EDEM3: variants seen among roughly 807,000 people sequenced by gnomAD.
EDEM3 encodes ER degradation enhancing alpha-mannosidase like protein 3, also known as ER degradation-enhancing alpha-mannosidase-like protein 3.
A neutral mutation model predicts 110.2 loss-of-function variants in EDEM3; 60 were observed. The observed-to-expected ratio is 0.54, with a 90% CI of 0.44 to 0.67. The LOEUF (loss-of-function observed/expected upper bound fraction) is 0.67, where lower values mean the gene tolerates loss of function less well. EDEM3 is among the 30% of genes least tolerant of loss of function. EDEM3 has a pLI of 0.00. For missense variants in EDEM3, 996 were observed against 1,121.0 expected, an observed-to-expected ratio of 0.89 and a Z score of 1.59; for synonymous variants, 352 against 382.9, an observed-to-expected ratio of 0.92 and a Z score of 0.94.
intron 13 of EDEM3, 117 bp from the exon 14 acceptor site, chr1:184,712,715 G>C (rs1472097494): frequency 3.1e-6 from 2 of 647,402 alleles, no homozygotes; most frequent in Non-Finnish European, 4.9e-6. Flanking sequence ...GATGTTCAAA[G>C]AACTATAGAA....
At chr1:184,699,526 G>T (rs1649504350) in intron 19 of EDEM3, among the ~76,000 whole-genome samples, 1 of 151,842 alleles carries the variant, frequency 6.6e-6, no homozygotes, top group South Asian at 2.1e-4. Context: ...TTTCTCTCCA[G>T]GTAGAGTTCA....
At position 184,712,444 on chromosome 1, in the gene EDEM3, T is replaced by C. The variant is rs1186673090; in HGVS notation, c.1525A>G (p.Lys509Glu). 2.5e-6 allele frequency: 4 copies of C among 1,590,152 alleles called. No homozygotes were observed. The highest frequency in any genetic ancestry group is 2.3e-5 in the East Asian group (1 of 44,274). ...ATTTAAAAACTCACTGTGTTCTTTTTAGAGATGCTTTGATTTGTAGTAGAG... is the reference window on the plus strand; with the variant it reads ...ATTTAAAAACTCACTGTGTTCTTTTCAGAGATGCTTTGATTTGTAGTAGAG... ...WLSTTNQSIS[K>E]KNTTSEYTEL... The change falls in exon 14 of 20, where the codon AAA (lysine) becomes GAA (glutamate). Residue 509 changes from lysine (K) to glutamate (E), a missense_variant. By Grantham distance (56) the Lys-to-Glu change is moderately conservative (BLOSUM62 1). Around this residue, in one of 5 missense-constraint regions of EDEM3, gnomAD observed 138 missense variants for 124.3 expected, o/e 1.11. Transcript: ENST00000318130.
intron 18 of EDEM3, among the ~76,000 whole-genome samples, chr1:184,705,881 T>G (rs1649896409): frequency 6.6e-6 from 1 of 152,048 alleles, no homozygotes; most frequent in South Asian, 2.1e-4. Flanking sequence ...TAAGTGATTG[T>G]CTATGAAAGA....
rs142173999 is a variant in EDEM3 at position 184,693,974 on chromosome 1, T to TA, written c.*88dup. 41 of 1,390,720 alleles carry TA rather than the reference T, an allele frequency of 2.9e-5. No homozygotes were observed. The African/African-American group carries it at 5.6e-4, about 19-fold the overall frequency. The allele number at this position is 1,390,720 out of a possible 1,614,324, so 86.1% of individuals were successfully genotyped here. A position where few individuals can be genotyped will look rare whatever the true frequency, so the allele number is the denominator to read the frequency against. On this transcript the variant is annotated 3_prime_UTR_variant, in exon 20 of 20. Coordinates refer to ENST00000318130, the MANE Select transcript of EDEM3 (RefSeq NM_025191.4). ...CATCACCATACTTAAAGCCTCCCAT[T>TA]AGAAAGCCTGCTTAGTATTAGGATG...
intron 17 of EDEM3, among the ~76,000 whole-genome samples, chr1:184,707,557 A>C (rs1649997172): frequency 6.6e-6 from 1 of 152,236 alleles, no homozygotes; most frequent in Admixed American, 6.5e-5. Flanking sequence ...TAGCAGTAAT[A>C]GAGTGAAAAG....
chr1:184,719,715 AT>A (rs1650775511), intron 9 of EDEM3, 147 bp from the exon 10 acceptor site: 1 of 813,974 alleles, frequency 1.2e-6, no homozygotes, highest in Non-Finnish European at 1.8e-6. Flanking sequence ...TATTTAAGTT[AT>A]TTTAGATGGA....
chr1:184,712,565 T>C lies in EDEM3; in HGVS notation c.1404A>G (p.Lys468=), dbSNP rs1650312059. ...MDSFFLAEMF[K]YLYLLFADKE... ...TATCAGCAAATAACAGGTAAAGATA[T>C]TTAAACATTTCAGCCAAGAAGAAAG... The change falls in exon 14 of 20, where the codon AAA becomes AAG. Residue 468 remains lysine (K), a synonymous_variant. Coordinates refer to ENST00000318130, the MANE Select transcript of EDEM3 (RefSeq NM_025191.4). The C allele has an allele frequency of 6.4e-7, 1 of 1,560,366 alleles. No individual in the cohort carries two copies. The highest frequency in any genetic ancestry group is 1.9e-5 in the Admixed American group (1 of 51,286).
rs1250692731 is a variant in EDEM3 at position 184,728,906 on chromosome 1, C to G, written c.613-2517G>C. 2.6e-5 allele frequency among the ~76,000 whole-genome samples: 4 copies of G among 152,158 alleles called. No homozygotes were observed. The East Asian group carries it at 7.7e-4, about 29-fold the overall frequency. On this transcript the variant is annotated intron_variant, in intron 6 of 19. Coordinates refer to ENST00000318130, the MANE Select transcript of EDEM3 (RefSeq NM_025191.4). ...TTCAAGTGTGAGCCACTGCGCCCAG[C>G]CAGTATTAAAGAACTTTTAAATGCA...
chr1:184,710,200 A>C (rs1329077623), intron 16 of EDEM3, among the ~76,000 whole-genome samples, 194 bp downstream of exon 16: 1 of 152,206 alleles, frequency 6.6e-6, no homozygotes, highest in African/African-American at 2.4e-5. Flanking sequence ...TGATTTATTT[A>C]ATTGATTTAT....
chr1:184,719,925 G>A (rs1356757624), intron 9 of EDEM3, among the ~76,000 whole-genome samples: 2 of 152,148 alleles, frequency 1.3e-5, no homozygotes, highest in African/African-American at 4.8e-5. Flanking sequence ...ATCAGCTTCT[G>A]TATTACAGAA....
At chr1:184,705,782 T>C (rs1649889953) in intron 18 of EDEM3, among the ~76,000 whole-genome samples, 1 of 152,180 alleles carries the variant, frequency 6.6e-6, no homozygotes, top group Non-Finnish European at 1.5e-5. Flanking sequence ...GCCCAGGTCT[T>C]ACAGTTCTTT....
chr1:184,690,410 T>TC lies in EDEM3; in HGVS notation c.*3652_*3653insG, dbSNP rs1649010676. On this transcript the variant is annotated 3_prime_UTR_variant, in exon 20 of 20. Transcript: ENST00000318130. ...TCAATCCCCGGAGGATAAAATGAGT[T>TC]TAAAAAAAAAAGGAAAACAGAGTGA... 9.5e-6 allele frequency: 1 copy of TC among 105,476 alleles called. No individual in the cohort carries two copies. The highest frequency in any genetic ancestry group is 1.9e-5 in the Non-Finnish European group (1 of 53,422). 6.5% of individuals were successfully genotyped at this position (105,476 alleles called of 1,614,324 possible). A position where few individuals can be genotyped will look rare whatever the true frequency, so the allele number is the denominator to read the frequency against.
At chr1:184,702,530 G>T (rs1649681760) in intron 19 of EDEM3, among the ~76,000 whole-genome samples, 2 of 152,164 alleles carry the variant, frequency 1.3e-5, no homozygotes, top group African/African-American at 4.8e-5. Context: ...TCCTGAAGCA[G>T]TCTCTTGTAT....
chr1:184,711,715 C>G lies in EDEM3; in HGVS notation c.1691+8G>C. The G allele has an allele frequency of 6.4e-7, 1 of 1,569,264 alleles. No individual in the cohort carries two copies. Among genetic ancestry groups the G allele is most frequent in the East Asian group, 2.3e-5 (1 of 43,988 alleles). ...TGATATTAGAAAATATAAAATAATA[C>G]ATCTTACACTCTGATGATGCCTCTA... On this transcript the variant is annotated splice_region_variant and intron_variant, in intron 15 of 19. Coordinates refer to ENST00000318130, the MANE Select transcript of EDEM3 (RefSeq NM_025191.4).
At position 184,702,846 on chromosome 1, in the gene EDEM3, A is replaced by G. The variant is rs1649701536; in HGVS notation, c.2354T>C (p.Val785Ala). Residue 785 changes from valine to alanine, a missense_variant, in exon 19 of 20, where the codon GTA becomes GCA. Val to Ala is a moderately conservative substitution (Grantham distance 64, BLOSUM62 0). Around this residue, in one of 5 missense-constraint regions of EDEM3, gnomAD observed 345 missense variants for 402.0 expected, o/e 0.86. Coordinates refer to ENST00000318130, the MANE Select transcript of EDEM3 (RefSeq NM_025191.4). ...ILDAIREYEE[V>A]EVLLSDKAKD... ...TGCTTTATCAGAGAGGAGCACTTCT[A>G]CCTCCTCATATTCCCGGATGGCATC... 3 of 1,610,856 alleles carry G rather than the reference A, an allele frequency of 1.9e-6. No homozygotes were observed. The African/African-American group carries it at 4.0e-5, about 22-fold the overall frequency.
intron 2 of EDEM3, among the ~76,000 whole-genome samples, chr1:184,739,438 A>T (rs1652013616): frequency 6.6e-6 from 1 of 151,292 alleles, no homozygotes; most frequent in Non-Finnish European, 1.5e-5. Context: ...TTATTTTATT[A>T]AGTTTACCCT....
At chr1:184,721,245 C>A in intron 9 of EDEM3, 44 bp downstream of exon 9, 1 of 1,456,338 alleles carries the variant, frequency 6.9e-7, no homozygotes, top group South Asian at 1.2e-5. Flanking sequence ...AAAATCTGGA[C>A]TCAAATGAAG....
chr1:184,728,970 T>C (rs1651346131), intron 6 of EDEM3, among the ~76,000 whole-genome samples: 1 of 152,120 alleles, frequency 6.6e-6, no homozygotes, highest in African/African-American at 2.4e-5. Flanking sequence ...GGCACTACCA[T>C]TTCCACAAAT....
rs1272734962 is a variant in EDEM3, at chr1:184,694,305, C to T, written c.2557G>A (p.Asp853Asn). Reference protein sequence around the residue: ...HPESLSLADMDNAASISPSEQ... With the variant: ...HPESLSLADMNNAASISPSEQ... ...GAAGGGGAAATGCTTGCAGCATTGT[C>T]CATATCTGCTAGAGATAATGATTCT... Residue 853 changes from aspartate (D) to asparagine (N), a missense_variant, in exon 20 of 20, where the codon GAC becomes AAC. By Grantham distance (23) the Asp-to-Asn change is conservative. Coordinates refer to ENST00000318130, the MANE Select transcript of EDEM3 (RefSeq NM_025191.4). 1 of 1,613,200 alleles carries T rather than the reference C, an allele frequency of 6.2e-7. No individual in the cohort carries two copies. The highest frequency in any genetic ancestry group is 1.1e-5 in the South Asian group (1 of 91,044).
Sources: gnomAD v4.1 joint callset for allele counts (sites outside exome capture counted in the v4.1 genomes callset) on GRCh38, gnomAD v4.1.1 for gene constraint, gnomAD v4.1.1 regional missense constraint, MANE v1.5 for transcripts, NCBI Gene and HGNC (gene_info 2026-07-23, HGNC 2026-07-21) for gene names.